Variants in CTNNA2 observed in about 807,000 individuals in gnomAD.
The protein encoded by CTNNA2 is catenin alpha 2.
CTNNA2 carries 42 observed loss-of-function variants against 101.0 expected under a neutral mutation model. That is an observed-to-expected ratio of 0.42 (90% CI 0.32 to 0.54). The LOEUF is 0.54. Among genes scored for constraint, CTNNA2 ranks in the 20% least tolerant of loss-of-function variants. The pLI, the probability that CTNNA2 is intolerant of heterozygous loss-of-function variation, is 0.14. For synonymous variants in CTNNA2, 450 were observed against 456.4 expected, an observed-to-expected ratio of 0.99 and a Z score of 0.18; for missense variants, 871 against 1,223.1, an observed-to-expected ratio of 0.71 and a Z score of 4.29.
At chr2:80,185,023 A>T (rs917607658) in intron 7 of CTNNA2, among the ~76,000 whole-genome samples, 1 of 152,206 alleles carries the variant, frequency 6.6e-6, no homozygotes, top group Non-Finnish European at 1.5e-5. Context: ...CAATGGTTTA[A>T]AACAACAGGG....
chr2:80,537,299 C>A (rs1185406976), intron 9 of CTNNA2, among the ~76,000 whole-genome samples: 1 of 152,082 alleles, frequency 6.6e-6, no homozygotes, highest in South Asian at 2.1e-4. Flanking sequence ...TGTATATGTG[C>A]CATATTTTCC....
intron 1 of CTNNA2, among the ~76,000 whole-genome samples, chr2:79,190,137 T>C (rs1452102324): frequency 6.6e-6 from 1 of 152,174 alleles, no homozygotes; most frequent in Admixed American, 6.5e-5. Flanking sequence ...CATGGATTGT[T>C]TAAAACCAAT....
At chr2:80,599,898 A>G (rs1697330126) in intron 15 of CTNNA2, among the ~76,000 whole-genome samples, 1 of 149,844 alleles carries the variant, frequency 6.7e-6, no homozygotes, top group African/African-American at 2.5e-5. Flanking sequence ...AGCATTAGGT[A>G]TATCTCCTAA....
At position 80,589,321 on chromosome 2, in the gene CTNNA2, A is replaced by G; in HGVS notation, c.2025A>G (p.Leu675=). The stretch of plus-strand genomic sequence containing the variant: ...CCACGCAGGCCATCATGGCGCAACT[A>G]CCGCAGGAGGAGAAGGCAAAAATAG... The part of the protein sequence containing the change: ...GQSARAIMAQ[L]PQEEKAKIAE... Residue 675 remains leucine (L), a synonymous_variant, in exon 15 of 19, where the codon CTA becomes CTG. Coordinates refer to ENST00000402739, the MANE Select transcript of CTNNA2 (RefSeq NM_001282597.3). 6.2e-6 allele frequency: 10 copies of G among 1,614,052 alleles called. No homozygotes were observed. Among genetic ancestry groups the G allele is most frequent in the Non-Finnish European group, 8.5e-6 (10 of 1,179,954 alleles).
intron 3 of CTNNA2, among the ~76,000 whole-genome samples, chr2:79,840,973 G>T (rs1017261301): frequency 2.6e-5 from 4 of 152,126 alleles, no homozygotes; most frequent in African/African-American, 9.7e-5. Context: ...GTTTCACCGT[G>T]TTAGCCAACA....
intron 9 of CTNNA2, among the ~76,000 whole-genome samples, chr2:80,531,605 T>C (rs1690548010): frequency 6.6e-6 from 1 of 152,234 alleles, no homozygotes; most frequent in South Asian, 2.1e-4. Flanking sequence ...TGGTGGAGAA[T>C]ATCCTAGAGG....
chr2:79,681,375 G>C (rs1450376257), intron 2 of CTNNA2, among the ~76,000 whole-genome samples: 2 of 152,180 alleles, frequency 1.3e-5, no homozygotes, highest in Non-Finnish European at 2.9e-5. Context: ...CTGTTGAGTA[G>C]ACAGCTTTTG....
intron 9 of CTNNA2, among the ~76,000 whole-genome samples, chr2:80,543,362 A>G (rs192255971): frequency 1.1e-3 from 165 of 152,324 alleles, no homozygotes; most frequent in African/African-American, 3.8e-3. Flanking sequence ...CTAATGAGGC[A>G]TATGTCTTTT....
chr2:79,654,154 G>A (rs937300469), intron 2 of CTNNA2, among the ~76,000 whole-genome samples: 2 of 152,088 alleles, frequency 1.3e-5, no homozygotes, highest in Non-Finnish European at 1.5e-5. Flanking sequence ...TATAATTTTT[G>A]TATTATGCTT....
intron 2 of CTNNA2, among the ~76,000 whole-genome samples, chr2:79,198,949 A>G (rs899986069): frequency 2.6e-5 from 4 of 152,242 alleles, no homozygotes; most frequent in African/African-American, 9.6e-5. Context: ...GAGTGTAAAG[A>G]ACAGACACAT....
At chr2:79,732,416 G>A (rs941628354) in intron 2 of CTNNA2, among the ~76,000 whole-genome samples, 7 of 152,000 alleles carry the variant, frequency 4.6e-5, no homozygotes, top group Non-Finnish European at 1.0e-4. Context: ...TAAAAAGCAC[G>A]AGACTGGCAT....
At chr2:79,522,897 T>C (rs1306390960) in intron 1 of CTNNA2, among the ~76,000 whole-genome samples, 1 of 152,154 alleles carries the variant, frequency 6.6e-6, no homozygotes, top group African/African-American at 2.4e-5. Flanking sequence ...GCACTTACAG[T>C]AATAAATGCC....
chr2:80,255,560 T>A (rs1039708324), intron 7 of CTNNA2, among the ~76,000 whole-genome samples: 4 of 152,196 alleles, frequency 2.6e-5, no homozygotes, highest in Non-Finnish European at 4.4e-5. Flanking sequence ...ATGACTAACT[T>A]GTTTCAAAGA....
chr2:79,890,897 A>G (rs916411059), intron 6 of CTNNA2, among the ~76,000 whole-genome samples: 1 of 142,844 alleles, frequency 7.0e-6, no homozygotes, highest in Admixed American at 7.6e-5. Context: ...GTGTCATCAC[A>G]TGGTGGAAGG....
At chr2:79,792,610 G>T (rs1369128725) in intron 3 of CTNNA2, among the ~76,000 whole-genome samples, 1 of 150,690 alleles carries the variant, frequency 6.6e-6, no homozygotes, top group Non-Finnish European at 1.5e-5. Flanking sequence ...ACCTTTTTTG[G>T]GAAAAAAAAA....
At chr2:79,851,828 G>A (rs759630100) in intron 3 of CTNNA2, among the ~76,000 whole-genome samples, 18 of 122,108 alleles carry the variant, frequency 1.5e-4, no homozygotes, top group Admixed American at 4.4e-4. Context: ...TGCAACCTAC[G>A]CCTCCCAGAC....
chr2:80,420,406 A>G (rs879350265), intron 9 of CTNNA2, among the ~76,000 whole-genome samples: 3 of 152,096 alleles, frequency 2.0e-5, no homozygotes, highest in Non-Finnish European at 4.4e-5. Context: ...AATTTAGGGA[A>G]TGGTTATTAG....
At chr2:79,999,182 C>T (rs1432944241) in intron 7 of CTNNA2, among the ~76,000 whole-genome samples, 2 of 152,208 alleles carry the variant, frequency 1.3e-5, no homozygotes, top group Non-Finnish European at 2.9e-5. Context: ...CTCACCAGCT[C>T]CCCCATAAAC....
chr2:80,274,161 G>C (rs550293979), intron 7 of CTNNA2, among the ~76,000 whole-genome samples: 2 of 152,258 alleles, frequency 1.3e-5, no homozygotes, highest in East Asian at 3.9e-4. Flanking sequence ...AGAATATTCA[G>C]AGTGTGGTAG....
Sources: allele counts gnomAD v4.1 joint callset (sites outside exome capture counted in the v4.1 genomes callset), GRCh38; gene constraint gnomAD v4.1.1; transcripts MANE v1.5; gene names NCBI Gene and HGNC (gene_info 2026-07-23, HGNC 2026-07-21).